PTPN4: variants seen among roughly 807,000 people sequenced by gnomAD.
PTPN4 encodes tyrosine-protein phosphatase non-receptor type 4.
In PTPN4, 49 loss-of-function variants were observed where a neutral mutation model predicts 135.5. That is an observed-to-expected ratio of 0.36 (90% CI 0.29 to 0.46). The LOEUF is 0.46. Ranked by LOEUF, PTPN4 falls within the 20% of genes least tolerant of loss-of-function variation. PTPN4 has a pLI of 1.00. For synonymous variants in PTPN4, 333 were observed against 369.9 expected, an observed-to-expected ratio of 0.90 and a Z score of 1.14; for missense variants, 860 against 1,101.0, an observed-to-expected ratio of 0.78 and a Z score of 3.10.
In PTPN4 at chr2:119,960,875, T is replaced by C. The variant is rs755492709; in HGVS notation, c.2202T>C (p.Cys734=). The change falls in exon 23 of 27, where the codon TGT becomes TGC. Residue 734 remains cysteine, a synonymous_variant. Transcript: ENST00000263708. ...IACQGPLPHT[C]TDFWQMTWEQ... ...GTCAAGGGCCATTACCACACACTTG[T>C]ACAGATTTTTGGCAGATGACTTGGG... The C allele has an allele frequency of 6.2e-6, 10 of 1,613,918 alleles. No individual in the cohort carries two copies. The highest frequency in any genetic ancestry group is 8.5e-6 in the Non-Finnish European group (10 of 1,179,958).
rs887905682 is a variant in PTPN4, at chr2:119,945,104, G to A, written c.1379G>A (p.Gly460Glu). 1.2e-6 allele frequency: 2 copies of A among 1,603,410 alleles called. No individual in the cohort carries two copies. The highest frequency in any genetic ancestry group is 1.7e-6 in the Non-Finnish European group (2 of 1,176,644). ...SSPSQETPGD[G>E]KPPALPPKQS... is the part of the protein sequence containing the mutation. Reference sequence around the variant, plus strand: ...AGATCACAAGAGACCCCTGGAGATGGGAAGCCTCCAGCTTTACCACCCAAA... The same window carrying A: ...AGATCACAAGAGACCCCTGGAGATGAGAAGCCTCCAGCTTTACCACCCAAA... The change falls in exon 16 of 27, where the codon GGG becomes GAG. Residue 460 changes from glycine (G) to glutamate (E), a missense_variant. Transcript: ENST00000263708.
At chr2:119,837,835 T>C (rs1163448021) in intron 2 of PTPN4, among the ~76,000 whole-genome samples, 2 of 152,210 alleles carry the variant, frequency 1.3e-5, no homozygotes, top group Non-Finnish European at 2.9e-5. Flanking sequence ...ATCGGAAGTC[T>C]CGTGTGTTAC....
chr2:119,792,544 A>T (rs558706762), intron 1 of PTPN4, among the ~76,000 whole-genome samples: 1 of 152,328 alleles, frequency 6.6e-6, no homozygotes, highest in South Asian at 2.1e-4. Context: ...TTTAATTTGC[A>T]CTTATATTTA....
At chr2:119,817,217 T>C (rs535090335) in intron 2 of PTPN4, among the ~76,000 whole-genome samples, 71 of 152,316 alleles carry the variant, frequency 4.7e-4, no homozygotes, top group East Asian at 1.9e-4. Flanking sequence ...CTTTAATTCA[T>C]CTTGAGTTAA....
intron 1 of PTPN4, among the ~76,000 whole-genome samples, chr2:119,795,125 C>T (rs879787026): frequency 6.6e-6 from 1 of 152,180 alleles, no homozygotes; most frequent in Non-Finnish European, 1.5e-5. Context: ...TTGGTTGTCC[C>T]ATCATCTCTT....
intron 2 of PTPN4, among the ~76,000 whole-genome samples, chr2:119,828,817 C>T (rs1318246177): frequency 6.6e-6 from 1 of 152,122 alleles, no homozygotes; most frequent in Non-Finnish European, 1.5e-5. Context: ...TTTTCACTTT[C>T]TTTTTTACAT....
At chr2:119,783,246 G>A (rs1690978045) in intron 1 of PTPN4, among the ~76,000 whole-genome samples, 1 of 152,066 alleles carries the variant, frequency 6.6e-6, no homozygotes, top group South Asian at 2.1e-4. Flanking sequence ...GAAAAACTGG[G>A]GTATGCTAAG....
At chr2:119,772,207 T>A (rs549123400) in intron 1 of PTPN4, among the ~76,000 whole-genome samples, 1 of 152,334 alleles carries the variant, frequency 6.6e-6, no homozygotes, top group African/African-American at 2.4e-5. Flanking sequence ...TATAGTGGCT[T>A]ACTACAAGAA....
At chr2:119,961,932 A>G (rs1679371981) in intron 23 of PTPN4, among the ~76,000 whole-genome samples, 1 of 152,146 alleles carries the variant, frequency 6.6e-6, no homozygotes, top group Admixed American at 6.5e-5. Flanking sequence ...TAATTGGTAT[A>G]GGGTTTATTT....
intron 2 of PTPN4, among the ~76,000 whole-genome samples, chr2:119,845,535 C>G (rs1370305362): frequency 1.3e-5 from 2 of 152,108 alleles, no homozygotes; most frequent in Admixed American, 6.5e-5. Context: ...CTTAACATCT[C>G]TTTTTTCCCC....
At chr2:119,852,404 G>A (rs1184388666) in intron 2 of PTPN4, among the ~76,000 whole-genome samples, 1 of 152,206 alleles carries the variant, frequency 6.6e-6, no homozygotes, top group African/African-American at 2.4e-5. Flanking sequence ...AACAGGTGCA[G>A]GCAACACCCT....
intron 1 of PTPN4, among the ~76,000 whole-genome samples, chr2:119,765,934 G>GTGCA (rs1553430618): frequency 2.0e-3 from 150 of 74,092 alleles, no homozygotes; most frequent in African/African-American, 7.6e-3. Flanking sequence ...GTGTGTGTGT[G>GTGCA]CGCGCGCGCA....
chr2:119,865,504 A>G (rs1369173666), intron 3 of PTPN4, among the ~76,000 whole-genome samples: 1 of 152,082 alleles, frequency 6.6e-6, no homozygotes, highest in Non-Finnish European at 1.5e-5. Flanking sequence ...AAGGACTTGA[A>G]CTCAGATCTA....
intron 26 of PTPN4, among the ~76,000 whole-genome samples, chr2:119,969,552 C>CTTTTTTTTTTTTTT (rs35531556): frequency 4.4e-5 from 5 of 113,892 alleles, no homozygotes; most frequent in East Asian, 3.1e-4. Context: ...TAATCAATTT[C>CTTTTTTTTTTTTTT]TTTTTTTTTT....
intron 1 of PTPN4, among the ~76,000 whole-genome samples, chr2:119,782,938 G>C (rs1690971076): frequency 6.7e-6 from 1 of 150,320 alleles, no homozygotes; most frequent in African/African-American, 2.4e-5. Flanking sequence ...CAACTCCTGG[G>C]CTCAAGGGAT....
intron 1 of PTPN4, among the ~76,000 whole-genome samples, chr2:119,806,762 G>C (rs1691478141): frequency 6.6e-6 from 1 of 152,000 alleles, no homozygotes; most frequent in African/African-American, 2.4e-5. Flanking sequence ...CCCCAAATCA[G>C]CAGAATATAC....
chr2:119,848,590 A>C (rs1208490720), intron 2 of PTPN4, among the ~76,000 whole-genome samples: 1 of 149,074 alleles, frequency 6.7e-6, no homozygotes, highest in Non-Finnish European at 1.5e-5. Context: ...TGAGGCTCTT[A>C]ATTTATCTTC....
At chr2:119,812,877 A>G (rs1258516649) in intron 2 of PTPN4, among the ~76,000 whole-genome samples, 3 of 152,108 alleles carry the variant, frequency 2.0e-5, no homozygotes, top group Non-Finnish European at 4.4e-5. Flanking sequence ...CTAATTTTTG[A>G]CTTGACTTTT....
At chr2:119,966,279 G>C (rs1679444641) in intron 25 of PTPN4, among the ~76,000 whole-genome samples, 1 of 151,544 alleles carries the variant, frequency 6.6e-6, no homozygotes, top group Non-Finnish European at 1.5e-5. Flanking sequence ...TTTTTTTTCA[G>C]TCGGAGTCTC....
Sources: allele counts gnomAD v4.1 joint callset (sites outside exome capture counted in the v4.1 genomes callset), GRCh38; gene constraint gnomAD v4.1.1; transcripts MANE v1.5; gene names NCBI Gene and HGNC (gene_info 2026-07-23, HGNC 2026-07-21).